Variants in H3-7 observed in about 807,000 individuals in gnomAD.
H3-7 encodes the protein histone H3-7.
chr1:143,902,412 G>A, the H3-7 span, among the ~76,000 whole-genome samples: 1 of 146,664 alleles, frequency 6.8e-6, no homozygotes, highest in South Asian at 2.3e-4. Context: ...TTAATTGGGT[G>A]TAAATTTGAA....
chr1:143,904,772 AAAT>A, the H3-7 span: 1 of 643,176 alleles, frequency 1.6e-6, no homozygotes, highest in African/African-American at 1.9e-5. Context: ...GAGTCTATGT[AAAT>A]AATAGATTCT....
the H3-7 span, chr1:143,905,677 C>T: frequency 7.6e-6 from 12 of 1,582,936 alleles, 4 homozygotes; most frequent in Admixed American, 1.0e-4. Flanking sequence ...GTAGGCCTCT[C>T]TGGCCTCCTG....
At chr1:143,904,681 A>C in the H3-7 span, 1 of 1,464,014 alleles carries the variant, frequency 6.8e-7, no homozygotes, top group Admixed American at 1.8e-5. Flanking sequence ...TGCGCTACTT[A>C]TAGAGCCTGT....
the H3-7 span, chr1:143,904,640 T>A: frequency 1.3e-6 from 2 of 1,574,460 alleles, no homozygotes; most frequent in Non-Finnish European, 1.7e-6. Flanking sequence ...CTTAAAGAAG[T>A]AATCCGAACT....
chr1:143,904,759 G>A, the H3-7 span: 1 of 717,338 alleles, frequency 1.4e-6, no homozygotes, highest in Non-Finnish European at 2.3e-6. Flanking sequence ...GTCAGAGGGG[G>A]TGGAGTCTAT....
the H3-7 span, chr1:143,905,469 T>A: frequency 3.2e-5 from 33 of 1,016,694 alleles, 4 homozygotes; most frequent in Non-Finnish European, 4.8e-5. Flanking sequence ...CAGACGCACA[T>A]CAGATGGAGA....
the H3-7 span, chr1:143,904,786 A>G: frequency 1.5e-5 from 9 of 611,366 alleles, 1 homozygote; most frequent in South Asian, 1.0e-4. Context: ...AATAGATTCT[A>G]GTCTTGCTTC....
the H3-7 span, among the ~76,000 whole-genome samples, chr1:143,904,845 A>G: frequency 6.9e-6 from 1 of 145,670 alleles, no homozygotes; most frequent in African/African-American, 2.5e-5. Flanking sequence ...AGAATGGTCC[A>G]TTTCACACTA....
chr1:143,904,401 T>C, the H3-7 span: 3 of 1,582,924 alleles, frequency 1.9e-6, 1 homozygote, highest in Non-Finnish European at 1.7e-6. Context: ...GAAGATGTCG[T>C]TGACGAAGGA....
chr1:143,904,637 A>T, the H3-7 span: 1 of 1,577,184 alleles, frequency 6.3e-7, no homozygotes, highest in Non-Finnish European at 8.7e-7. Flanking sequence ...AGACTTAAAG[A>T]AGTAATCCGA....
the H3-7 span, chr1:143,904,522 C>T: frequency 2.3e-4 from 372 of 1,605,694 alleles, 4 homozygotes; most frequent in Non-Finnish European, 2.8e-4. Flanking sequence ...TTGCGCTTCT[C>T]GCCGTCCTTC....
the H3-7 span, chr1:143,904,288 C>A: frequency 3.1e-3 from 4,870 of 1,585,762 alleles, 352 homozygotes; most frequent in South Asian, 0.02. Flanking sequence ...TTGGCCAGCT[C>A]GCCGGGCAGC....
the H3-7 span, chr1:143,905,617 C>T: frequency 1.3e-6 from 2 of 1,582,652 alleles, no homozygotes; most frequent in Non-Finnish European, 8.7e-7. Flanking sequence ...GATGGTCACG[C>T]GCTTGGCATG....
At chr1:143,904,010 C>A in the H3-7 span, among the ~76,000 whole-genome samples, 1 of 145,354 alleles carries the variant, frequency 6.9e-6, no homozygotes, top group Non-Finnish European at 1.5e-5. Flanking sequence ...TAAGACTAGA[C>A]GGGGATGACT....
the H3-7 span, among the ~76,000 whole-genome samples, chr1:143,904,821 C>T: frequency 2.1e-5 from 3 of 146,102 alleles, no homozygotes; most frequent in Non-Finnish European, 4.6e-5. Context: ...TAACAAAAGT[C>T]TTGTTATCCA....
At chr1:143,904,576 C>A in the H3-7 span, 5 of 1,602,480 alleles carry the variant, frequency 3.1e-6, no homozygotes, top group East Asian at 2.3e-5. Flanking sequence ...TTCTTGGGAG[C>A]AGGAGCGGAT....
chr1:143,904,304 G>A, the H3-7 span: 6 of 1,583,464 alleles, frequency 3.8e-6, no homozygotes, highest in African/African-American at 5.4e-5. Flanking sequence ...GCAGCAGCAG[G>A]CGCACGGCCG....
At chr1:143,905,822 G>A in the H3-7 span, 8 of 1,582,182 alleles carry the variant, frequency 5.1e-6, no homozygotes, top group African/African-American at 4.0e-5. Flanking sequence ...ATCTCCCGCA[G>A]AGCCACGGTG....
chr1:143,905,427 G>C, the H3-7 span: 4,828 of 720,468 alleles, frequency 6.7e-3, 387 homozygotes, highest in African/African-American at 0.078. Flanking sequence ...CACCCACCAC[G>C]AGTGCCCCTG....
Sources: allele counts gnomAD v4.1 joint callset (sites outside exome capture counted in the v4.1 genomes callset), GRCh38; gene constraint gnomAD v4.1.1; transcripts MANE v1.5; gene names NCBI Gene and HGNC (gene_info 2026-07-23, HGNC 2026-07-21).